The following SIAH1 variants were observed in gnomAD, a reference collection of about 807,000 sequenced individuals.
SIAH1 encodes E3 ubiquitin-protein ligase SIAH1.
A neutral mutation model predicts 20.0 loss-of-function variants in SIAH1; 2 were observed. The observed-to-expected ratio is 0.10, with a 90% CI of 0.04 to 0.31. SIAH1 has a LOEUF of 0.31. SIAH1 is among the 10% of genes least tolerant of loss of function. SIAH1 has a pLI of 1.00. For missense variants in SIAH1, 119 were observed against 355.3 expected (o/e 0.33, Z 5.35); for synonymous variants, 118 against 125.3 (o/e 0.94, Z 0.39).
At chr16:48,386,690 CAATA>C (rs1201527766), upstream of SIAH1, among the ~76,000 whole-genome samples, 1 of 152,262 alleles carries the variant, frequency 6.6e-6, no homozygotes, top group African/African-American at 2.4e-5. Context: ...ACGGGAAGGT[CAATA>C]GAGTTCGGTT....
chr16:48,367,967 T>C (rs1344239729), intron 1 of SIAH1, among the ~76,000 whole-genome samples: 1 of 152,170 alleles, frequency 6.6e-6, no homozygotes, highest in Admixed American at 6.5e-5. Context: ...AAAAACATTT[T>C]AGAATCAGCC....
chr16:48,371,491 T>C (rs1030288741), intron 1 of SIAH1, among the ~76,000 whole-genome samples: 4 of 152,370 alleles, frequency 2.6e-5, no homozygotes, highest in African/African-American at 4.8e-5. Flanking sequence ...ATCAAAGTGA[T>C]AGAATCACAT....
At chr16:48,373,260 TA>T (rs1200387004) in intron 1 of SIAH1, among the ~76,000 whole-genome samples, 1 of 152,272 alleles carries the variant, frequency 6.6e-6, no homozygotes, top group Non-Finnish European at 1.5e-5. Flanking sequence ...GCCCAGATTT[TA>T]AAAATAAACA....
intron 1 of SIAH1, among the ~76,000 whole-genome samples, chr16:48,369,269 C>T (rs1259947085): frequency 1.3e-5 from 2 of 152,130 alleles, no homozygotes; most frequent in Non-Finnish European, 2.9e-5. Context: ...TTTGCAGCTA[C>T]AGAAGAAGTT....
intron 1 of SIAH1, among the ~76,000 whole-genome samples, chr16:48,376,324 C>T (rs1961108938): frequency 6.6e-6 from 1 of 152,160 alleles, no homozygotes; most frequent in Admixed American, 6.5e-5. Context: ...TTGCTAGTAA[C>T]TTCTACAGAA....
chr16:48,373,108 T>A (rs1170393703), intron 1 of SIAH1, among the ~76,000 whole-genome samples: 1 of 152,150 alleles, frequency 6.6e-6, no homozygotes, highest in Non-Finnish European at 1.5e-5. Context: ...TCCAAACCAG[T>A]CTCTCTGTTT....
At chr16:48,365,408 C>T (rs746144200) in intron 1 of SIAH1, 1 of 1,613,998 alleles carries the variant, frequency 6.2e-7, no homozygotes, top group Non-Finnish European at 8.5e-7. Context: ...CTTGTCCTGG[C>T]CGCTGGTAAA....
intron 1 of SIAH1, chr16:48,365,928 G>T: frequency 8.2e-7 from 1 of 1,219,334 alleles, no homozygotes; most frequent in Non-Finnish European, 1.0e-6. Context: ...AGCCTCGGCC[G>T]GGGCTGGGCC....
Position 48,362,662 on chromosome 16 carries a change from C to T in SIAH1, c.-2-232G>A. On this transcript the variant is annotated intron_variant, in intron 1 of 1. Coordinates refer to ENST00000394725, the MANE Select transcript of SIAH1 (RefSeq NM_003031.4). The surrounding 1 kb of genome is among the most constrained non-coding windows in gnomAD (Gnocchi z 4.2). Reference sequence around the variant, plus strand: ...TCTCTTTTCAAAATGTTCCGGAAAACATGTGGAACTCCCTTAATCGTCTTT... The same window carrying T: ...TCTCTTTTCAAAATGTTCCGGAAAATATGTGGAACTCCCTTAATCGTCTTT... 1.0e-5 allele frequency: 5 copies of T among 490,146 alleles called. No homozygotes were observed. Among genetic ancestry groups the T allele is most frequent in the South Asian group, 9.9e-5 (4 of 40,470 alleles). 30.4% of individuals were successfully genotyped at this position (490,146 alleles called of 1,614,324 possible). A position where few individuals can be genotyped will look rare whatever the true frequency, so the allele number is the denominator to read the frequency against.
intron 1 of SIAH1, among the ~76,000 whole-genome samples, chr16:48,383,187 T>A (rs973271712): frequency 2.6e-5 from 4 of 152,224 alleles, no homozygotes; most frequent in Admixed American, 2.6e-4. Flanking sequence ...GTTTAAAATA[T>A]TAAATGTTAG....
chr16:48,365,510 A>G, intron 1 of SIAH1: 1 of 1,605,300 alleles, frequency 6.2e-7, no homozygotes, highest in East Asian at 2.2e-5. Context: ...GTTTCCCCCA[A>G]GAAGTAAAGG....
intron 1 of SIAH1, among the ~76,000 whole-genome samples, chr16:48,373,184 A>C (rs1961026626): frequency 6.6e-6 from 1 of 152,076 alleles, no homozygotes. Flanking sequence ...TACTTTGGTG[A>C]TCTCATTCAG....
At chr16:48,375,694 T>C (rs1396362490) in intron 1 of SIAH1, among the ~76,000 whole-genome samples, 2 of 151,950 alleles carry the variant, frequency 1.3e-5, no homozygotes, top group Non-Finnish European at 2.9e-5. Flanking sequence ...CTACAGAATA[T>C]ACAGATTACA....
At chr16:48,378,838 C>T (rs1961179367) in intron 1 of SIAH1, among the ~76,000 whole-genome samples, 1 of 152,196 alleles carries the variant, frequency 6.6e-6, no homozygotes, top group Admixed American at 6.5e-5. Flanking sequence ...TATCTGGCTG[C>T]ATCTTCCATC....
At position 48,385,262 on chromosome 16, in the gene SIAH1, AC is replaced by A. The variant is rs1316965532; in HGVS notation, c.-62del. 2.5e-5 allele frequency: 8 copies of A among 314,836 alleles called. No individual in the cohort carries two copies. The highest frequency in any genetic ancestry group is 6.5e-5 in the Admixed American group (2 of 30,950). 19.5% of individuals were successfully genotyped at this position (314,836 alleles called of 1,614,324 possible). On this transcript the variant is annotated 5_prime_UTR_variant, in exon 1 of 2. Transcript: ENST00000394725. ...CTGGCACCAACGCGCTCCGTCGCCA[AC>A]CCCCGCCACCGCGGGCAGCGCCACC...
chr16:48,384,638 C>G (rs1019704517), intron 1 of SIAH1, among the ~76,000 whole-genome samples: 2 of 151,094 alleles, frequency 1.3e-5, no homozygotes, highest in African/African-American at 4.8e-5. Context: ...CCGTCCCGGA[C>G]GGCTCCAGCC....
chr16:48,385,614 C>G (rs926847364), upstream of SIAH1, among the ~76,000 whole-genome samples: 4 of 152,028 alleles, frequency 2.6e-5, no homozygotes, highest in African/African-American at 9.7e-5. Context: ...GGCTACTCGG[C>G]TACCGTTGCT....
chr16:48,366,222 G>T (rs1048613139), intron 1 of SIAH1, among the ~76,000 whole-genome samples: 11 of 152,172 alleles, frequency 7.2e-5, no homozygotes, highest in Admixed American at 5.2e-4. Flanking sequence ...GTTTCTTATG[G>T]TTTCGATCTA....
Position 48,362,990 on chromosome 16 carries a change from A to G in SIAH1, c.-2-560T>C, listed in dbSNP as rs1025060156. On this transcript the variant is annotated intron_variant, in intron 1 of 1. Coordinates refer to ENST00000394725, the MANE Select transcript of SIAH1 (RefSeq NM_003031.4). This position sits in a 1 kb window ranked among gnomAD's most constrained non-coding sequence, Gnocchi z 4.2. ...ATACAAAATTTTTAAAATACAGTCT[A>G]TAACAACTATTTACATATTGTTTAC... 4.2e-5 allele frequency: 7 copies of G among 166,292 alleles called. No individual in the cohort carries two copies. Among genetic ancestry groups the G allele is most frequent in the African/African-American group, 1.7e-4 (7 of 41,240 alleles). 10.3% of individuals were successfully genotyped at this position (166,292 alleles called of 1,614,324 possible).
Sources: allele counts gnomAD v4.1 joint callset (sites outside exome capture counted in the v4.1 genomes callset), GRCh38; gene constraint gnomAD v4.1.1; non-coding constraint Gnocchi (gnomAD v3.1); transcripts MANE v1.5; gene names NCBI Gene and HGNC (gene_info 2026-07-23, HGNC 2026-07-21).